NPAS3: variants seen among roughly 807,000 people sequenced by gnomAD.
The protein encoded by NPAS3 is neuronal PAS domain protein 3.
Under a neutral mutation model 73.1 loss-of-function variants are expected in NPAS3, and 14 were observed. The observed-to-expected ratio is 0.19, with a 90% confidence interval of 0.13 to 0.30. The LOEUF is 0.30. NPAS3 is among the 10% of genes least tolerant of loss of function. NPAS3 has a pLI of 1.00. For missense variants in NPAS3, 1,096 were observed against 1,250.0 expected (o/e 0.88, Z 1.86); for synonymous variants, 620 against 541.5 (o/e 1.14, Z -2.01).
At chr14:33,381,077 T>C (rs1320941865) in intron 4 of NPAS3, among the ~76,000 whole-genome samples, 2 of 152,206 alleles carry the variant, frequency 1.3e-5, no homozygotes, top group African/African-American at 4.8e-5. Flanking sequence ...AATGACTATT[T>C]TAATTGCATC....
chr14:33,325,562 C>T (rs1365806525), intron 3 of NPAS3, among the ~76,000 whole-genome samples: 2 of 150,192 alleles, frequency 1.3e-5, no homozygotes, highest in African/African-American at 2.5e-5. Flanking sequence ...AGGAGAATCA[C>T]TTGAAACCCA....
chr14:33,202,081 A>G (rs546230358), intron 2 of NPAS3, among the ~76,000 whole-genome samples: 85 of 152,246 alleles, frequency 5.6e-4, no homozygotes, highest in African/African-American at 1.9e-3. Flanking sequence ...TTTATGTTAC[A>G]TATTTTAAAC....
chr14:33,725,438 T>A (rs182745308), intron 6 of NPAS3, among the ~76,000 whole-genome samples: 2 of 152,314 alleles, frequency 1.3e-5, no homozygotes, highest in Non-Finnish European at 2.9e-5. Flanking sequence ...TACTAGTGAC[T>A]ATAGCTGAGT....
chr14:33,423,891 A>G (rs902192283), intron 4 of NPAS3, among the ~76,000 whole-genome samples: 17 of 151,930 alleles, frequency 1.1e-4, no homozygotes, highest in African/African-American at 3.9e-4. Flanking sequence ...CAACCTGTCT[A>G]CCTACCTCCT....
chr14:32,984,754 C>G (rs1345240373), intron 1 of NPAS3, among the ~76,000 whole-genome samples: 3 of 152,112 alleles, frequency 2.0e-5, no homozygotes, highest in Admixed American at 1.3e-4. Context: ...TTAACAGAAG[C>G]TCCATTTTCT....
intron 3 of NPAS3, among the ~76,000 whole-genome samples, chr14:33,242,395 G>A (rs567997827): frequency 3.9e-5 from 6 of 152,128 alleles, no homozygotes; most frequent in Admixed American, 3.3e-4. Flanking sequence ...TTCCCTGAAA[G>A]TGGTACATAA....
At chr14:33,209,766 A>T (rs915975000) in intron 2 of NPAS3, among the ~76,000 whole-genome samples, 13 of 152,124 alleles carry the variant, frequency 8.5e-5, no homozygotes, top group African/African-American at 2.9e-4. Flanking sequence ...AATGGTTTTG[A>T]CCCTGCTTCT....
chr14:33,030,809 A>G (rs1490885799), intron 1 of NPAS3, among the ~76,000 whole-genome samples: 1 of 152,224 alleles, frequency 6.6e-6, no homozygotes, highest in Non-Finnish European at 1.5e-5. Context: ...GTCTGTACAT[A>G]TACACAAGTG....
chr14:33,280,138 T>C (rs755767053), intron 3 of NPAS3, among the ~76,000 whole-genome samples: 2 of 152,126 alleles, frequency 1.3e-5, no homozygotes, highest in Non-Finnish European at 2.9e-5. Context: ...AGTAGCTTCC[T>C]TGGTAGTGGG....
chr14:33,503,476 G>A (rs1227749699), intron 4 of NPAS3, among the ~76,000 whole-genome samples: 1 of 151,898 alleles, frequency 6.6e-6, no homozygotes. Context: ...CGTAATTGGT[G>A]AAACCGAGTG....
At chr14:32,947,631 G>A (rs1440444962) in intron 1 of NPAS3, among the ~76,000 whole-genome samples, 1 of 151,912 alleles carries the variant, frequency 6.6e-6, no homozygotes, top group Non-Finnish European at 1.5e-5. Context: ...TATAAAATAT[G>A]TATGAGATAT....
At chr14:33,442,544 T>A (rs1345079568) in intron 4 of NPAS3, among the ~76,000 whole-genome samples, 1 of 152,194 alleles carries the variant, frequency 6.6e-6, no homozygotes, top group Non-Finnish European at 1.5e-5. Flanking sequence ...ATGAGGGTGG[T>A]TCCCCCATGC....
intron 5 of NPAS3, among the ~76,000 whole-genome samples, chr14:33,649,051 C>T (rs771639912): frequency 3.3e-5 from 5 of 152,164 alleles, no homozygotes; most frequent in Non-Finnish European, 7.4e-5. Flanking sequence ...CCTATACAGG[C>T]AATAACTCAA....
chr14:33,734,050 GT>G (rs2061463980), intron 6 of NPAS3, among the ~76,000 whole-genome samples: 1 of 152,082 alleles, frequency 6.6e-6, no homozygotes, highest in Non-Finnish European at 1.5e-5. Context: ...TTTAAAACTT[GT>G]TTTGCCCATT....
intron 2 of NPAS3, among the ~76,000 whole-genome samples, chr14:33,079,895 G>A (rs1020549030): frequency 6.6e-6 from 1 of 152,040 alleles, no homozygotes; most frequent in African/African-American, 2.4e-5. Context: ...TTACAGGCAT[G>A]AGCTATCGCG....
chr14:33,511,147 A>AT (rs2053032125), intron 4 of NPAS3, among the ~76,000 whole-genome samples: 1 of 152,050 alleles, frequency 6.6e-6, no homozygotes, highest in Non-Finnish European at 1.5e-5. Flanking sequence ...GTGTTGGGGG[A>AT]AATCCTCTGA....
rs188836830 is a variant in NPAS3, at chr14:33,038,660, T to A, written c.51-17245T>A. On this transcript the variant is annotated intron_variant, in intron 1 of 11. Transcript: ENST00000356141. ...GGATAGCATTTGGGGTTAGCTGTAG[T>A]ATATGTTGGGTACGCACACTGGAAA... Among the ~76,000 whole-genome samples the A allele has an allele frequency of 2.5e-3, 375 of 152,248 alleles. 8 individuals are homozygous for A. The highest frequency in any genetic ancestry group is 8.1e-4 in the Non-Finnish European group (55 of 67,998).
At chr14:33,244,864 C>T (rs903896628) in intron 3 of NPAS3, among the ~76,000 whole-genome samples, 1 of 152,188 alleles carries the variant, frequency 6.6e-6, no homozygotes, top group African/African-American at 2.4e-5. Context: ...TTTCTTCTGA[C>T]CTTGTCTTTG....
At chr14:33,315,364 A>G (rs566383191) in intron 3 of NPAS3, among the ~76,000 whole-genome samples, 13 of 152,146 alleles carry the variant, frequency 8.5e-5, no homozygotes, top group African/African-American at 2.9e-4. Flanking sequence ...TAGATTCTTT[A>G]TTGTGTTTCC....
Sources: gnomAD v4.1 joint callset for allele counts (sites outside exome capture counted in the v4.1 genomes callset) on GRCh38, gnomAD v4.1.1 for gene constraint, MANE v1.5 for transcripts, NCBI Gene and HGNC (gene_info 2026-07-23, HGNC 2026-07-21) for gene names.